Variants in USP8 observed in about 807,000 individuals in gnomAD.
The protein encoded by USP8 is ubiquitin carboxyl-terminal hydrolase 8.
USP8 carries 27 observed loss-of-function variants against 130.0 expected under a neutral mutation model. The observed-to-expected ratio is 0.21, with a 90% CI of 0.15 to 0.29. The LOEUF is 0.29. USP8 is among the 10% of genes least tolerant of loss of function. The pLI, the probability that USP8 is intolerant of heterozygous loss-of-function variation, is 1.00. For synonymous variants in USP8, 392 were observed against 444.1 expected (o/e 0.88, Z 1.48); for missense variants, 1,029 against 1,312.2 (o/e 0.78, Z 3.33).
chr15:50,433,058 A>G (rs991754000), intron 1 of USP8, among the ~76,000 whole-genome samples: 1 of 152,258 alleles, frequency 6.6e-6, no homozygotes, highest in South Asian at 2.1e-4. Context: ...CCTGGCCAAC[A>G]TGGAGAAACC....
chr15:50,490,169 G>A (rs2141316788), intron 13 of USP8, 94 bp from the exon 14 acceptor site: 2 of 1,325,202 alleles, frequency 1.5e-6, no homozygotes, highest in Non-Finnish European at 2.1e-6. Context: ...TAATCCAAAA[G>A]TAAATTTAGC....
At chr15:50,489,647 T>C (rs1436622830) in intron 12 of USP8, 154 bp from the exon 13 acceptor site, 18 of 396,540 alleles carry the variant, frequency 4.5e-5, no homozygotes, top group Non-Finnish European at 5.3e-5. Flanking sequence ...TTTTTTCATC[T>C]CTGAATCTGT....
intron 1 of USP8, among the ~76,000 whole-genome samples, chr15:50,427,679 C>T (rs1193851324): frequency 2.0e-5 from 3 of 150,912 alleles, no homozygotes; most frequent in African/African-American, 7.3e-5. Context: ...TCTGCTTCAG[C>T]CTCCCGAGTA....
chr15:50,465,294 G>T, intron 7 of USP8, 103 bp downstream of exon 7: 2 of 1,038,534 alleles, frequency 1.9e-6, no homozygotes, highest in South Asian at 2.1e-5. Context: ...TGATAAAGTA[G>T]TCTTTTCCTG....
At chr15:50,424,711 C>T (rs1454897157) in intron 1 of USP8, 197 bp downstream of exon 1, 2 of 389,934 alleles carry the variant, frequency 5.1e-6, no homozygotes, top group African/African-American at 2.1e-5. Context: ...CGCCATCTAC[C>T]TAGGATTGCC....
intron 7 of USP8, among the ~76,000 whole-genome samples, chr15:50,465,847 A>G (rs1566863743): frequency 6.6e-6 from 1 of 152,222 alleles, no homozygotes; most frequent in Non-Finnish European, 1.5e-5. Flanking sequence ...ATTACTAGGT[A>G]GTGACCTAAC....
chr15:50,452,911 G>A (rs953971711), intron 4 of USP8, among the ~76,000 whole-genome samples: 1 of 152,216 alleles, frequency 6.6e-6, no homozygotes, highest in African/African-American at 2.4e-5. Context: ...TGGCACTCTA[G>A]TGATTTGCAT....
chr15:50,468,028 G>A (rs180698709), intron 7 of USP8, among the ~76,000 whole-genome samples: 43 of 150,372 alleles, frequency 2.9e-4, no homozygotes, highest in African/African-American at 8.6e-4. Flanking sequence ...TCCACCTCCC[G>A]GGTTCAAGAG....
intron 7 of USP8, among the ~76,000 whole-genome samples, chr15:50,468,713 C>T (rs28840973): frequency 1.4e-4 from 21 of 151,960 alleles, no homozygotes; most frequent in African/African-American, 5.1e-4. Context: ...TACACTCCCC[C>T]CTCAAGTAGA....
At chr15:50,482,283 A>T (rs1399295506) in intron 11 of USP8, among the ~76,000 whole-genome samples, 1 of 152,226 alleles carries the variant, frequency 6.6e-6, no homozygotes, top group East Asian at 1.9e-4. Context: ...TGCTTTTTGT[A>T]TATTACATCT....
At chr15:50,469,275 G>C (rs2051297568) in intron 7 of USP8, among the ~76,000 whole-genome samples, 1 of 151,758 alleles carries the variant, frequency 6.6e-6, no homozygotes, top group South Asian at 2.1e-4. Flanking sequence ...ATTTATTTAA[G>C]TAAAAAATTA....
At position 50,424,568 on chromosome 15, in the gene USP8, G is replaced by T. The variant is rs143831468; in HGVS notation, c.-66+54G>T. ...TGTTCTCTGGGAAGTCGTCCGCTGT[G>T]AACGATGAACGCCTTTCCTTCCACC... On this transcript the variant is annotated intron_variant, in intron 1 of 19. Coordinates refer to ENST00000307179, the MANE Select transcript of USP8 (RefSeq NM_005154.5). The T allele has an allele frequency of 9.9e-4, 394 of 398,472 alleles. 3 individuals carry two copies. The highest frequency in any genetic ancestry group is 7.7e-3 in the African/African-American group (375 of 48,754). The allele number at this position is 398,472 out of a possible 1,614,324, so 24.7% of individuals were successfully genotyped here.
At chr15:50,432,037 C>T (rs1448732120) in intron 1 of USP8, among the ~76,000 whole-genome samples, 1 of 152,168 alleles carries the variant, frequency 6.6e-6, no homozygotes, top group African/African-American at 2.4e-5. Context: ...TCATCATGAG[C>T]ACTGCGTGTG....
chr15:50,472,882 C>T (rs758099413), intron 8 of USP8, among the ~76,000 whole-genome samples: 1 of 152,082 alleles, frequency 6.6e-6, no homozygotes, highest in Admixed American at 6.6e-5. Context: ...TGCACTCCAG[C>T]CTGGGCAGCA....
At position 50,500,786 on chromosome 15, in the gene USP8, AAT is replaced by A; in HGVS notation, c.*1699_*1700del. ...AAGCTATATCAGGCCTGGGTGACTG[AAT>A]TCTTGCAGAAAGCAGTGTAGTGGCC... is the stretch of plus-strand genomic sequence containing the variant. On this transcript the variant is annotated 3_prime_UTR_variant, in exon 20 of 20. Coordinates refer to ENST00000307179, the MANE Select transcript of USP8 (RefSeq NM_005154.5). The A allele has an allele frequency of 6.3e-7, 1 of 1,590,366 alleles. No individual in the cohort carries two copies. Among genetic ancestry groups the A allele is most frequent in the East Asian group, 2.3e-5 (1 of 44,234 alleles).
In USP8 at chr15:50,485,550, A is replaced by ATTTTTTTTTTTTTTTTTTTTTTTTTTTT. The variant is rs71424071; in HGVS notation, c.1890+1195_1890+1222dup. Among the ~76,000 whole-genome samples the ATTTTTTTTTTTTTTTTTTTTTTTTTTTT allele has an allele frequency of 1.1e-4, 3 of 27,942 alleles. 1 individual carries two copies. The highest frequency in any genetic ancestry group is 2.0e-4 in the Non-Finnish European group (3 of 15,222). The allele number at this position is 27,942 out of a possible 152,430, so 18.3% of individuals were successfully genotyped here. On this transcript the variant is annotated intron_variant, in intron 12 of 19. Coordinates refer to ENST00000307179, the MANE Select transcript of USP8 (RefSeq NM_005154.5). ...CCCATTTTTAGCATGCAGTTTAGTGATTTTTTTTTTTTTTTTTTTTTTTTT... is the reference window on the plus strand; with the variant it reads ...CCCATTTTTAGCATGCAGTTTAGTGATTTTTTTTTTTTTTTTTTTTTTTTTTTTTTTTTTTTTTTTTTTTTTTTTTTTT...
At chr15:50,474,966 G>A (rs1018815221) in intron 8 of USP8, among the ~76,000 whole-genome samples, 4 of 152,066 alleles carry the variant, frequency 2.6e-5, no homozygotes, top group South Asian at 2.1e-4. Context: ...AAAATTTGCC[G>A]GGCATGATGG....
In USP8 at chr15:50,459,091, A is replaced by G; in HGVS notation, c.427A>G (p.Arg143Gly). The G allele has an allele frequency of 6.2e-7, 1 of 1,614,172 alleles. No individual in the cohort carries two copies. Among genetic ancestry groups the G allele is most frequent in the Non-Finnish European group, 8.5e-7 (1 of 1,180,040 alleles). ...ACAACAAAAAAGGCAGGAAACAGGA[A>G]GAGAGGATGGTGGCACATTGGCTAA... The part of the protein sequence containing the change: ...RLQQKRQETG[R>G]EDGGTLAKGS... The change falls in exon 5 of 20, where the codon AGA (arginine) becomes GGA (glycine). Residue 143 changes from arginine (R) to glycine (G), a missense_variant. Transcript: ENST00000307179.
chr15:50,465,970 C>T (rs2051175464), intron 7 of USP8, among the ~76,000 whole-genome samples: 1 of 152,202 alleles, frequency 6.6e-6, no homozygotes, highest in African/African-American at 2.4e-5. Flanking sequence ...CACTTTAGCA[C>T]AGGTCCTGGC....
Sources: allele counts gnomAD v4.1 joint callset (sites outside exome capture counted in the v4.1 genomes callset), GRCh38; gene constraint gnomAD v4.1.1; transcripts MANE v1.5; gene names NCBI Gene and HGNC (gene_info 2026-07-23, HGNC 2026-07-21).